VPS11: variants seen among roughly 807,000 people sequenced by gnomAD.
The protein encoded by VPS11 is VPS11 core subunit of CORVET and HOPS complexes, also known as vacuolar protein sorting-associated protein 11 homolog.
Under a neutral mutation model 106.8 loss-of-function variants are expected in VPS11, and 51 were observed. The observed-to-expected ratio is 0.48, with a 90% CI of 0.38 to 0.60. The LOEUF is 0.60. Ranked by LOEUF, VPS11 falls within the 20% of genes least tolerant of loss-of-function variation. The pLI is 0.00. For synonymous variants in VPS11, 453 were observed against 458.7 expected (o/e 0.99, Z 0.16); for missense variants, 950 against 1,190.0 (o/e 0.80, Z 2.97).
intron 5 of VPS11, 102 bp from the exon 6 acceptor site, chr11:119,073,095 AT>A: frequency 7.4e-7 from 1 of 1,346,836 alleles, no homozygotes; most frequent in Non-Finnish European, 1.0e-6. Flanking sequence ...CAGAGAGGTG[AT>A]TTGTGCTGGG....
intron 5 of VPS11, 178 bp from the exon 6 acceptor site, chr11:119,073,020 C>G: frequency 3.0e-6 from 2 of 655,820 alleles, no homozygotes. Context: ...AGGGTAAGAT[C>G]AGGTTTATGT....
In VPS11 at chr11:119,077,606, C is replaced by A. The variant is rs782222127; in HGVS notation, c.1531C>A (p.His511Asn). ...CCTGTATCTGGCGGAGAACCATGCACATCATGAGTGGTACCTGAAGATCCA... is the reference window on the plus strand; with the variant it reads ...CCTGTATCTGGCGGAGAACCATGCAAATCATGAGTGGTACCTGAAGATCCA... ...HALYLAENHA[H>N]HEWYLKIQLE... The change falls in exon 9 of 16, where the codon CAT (histidine) becomes AAT (asparagine). Residue 511 changes from histidine (H) to asparagine (N), a missense_variant. By Grantham distance (68) the His-to-Asn change is moderately conservative (BLOSUM62 1). Around this residue, in one of 3 missense-constraint regions of VPS11, gnomAD observed 435 missense variants for 630.2 expected, o/e 0.69. Coordinates refer to ENST00000621676, the MANE Select transcript of VPS11 (RefSeq NM_021729.6). 2 of 1,612,420 alleles carry A rather than the reference C, an allele frequency of 1.2e-6. No homozygotes were observed. Among genetic ancestry groups the A allele is most frequent in the Non-Finnish European group, 1.7e-6 (2 of 1,179,120 alleles).
chr11:119,070,411 C>CTCCA lies in VPS11; in HGVS notation c.636+15_636+18dup. The CTCCA allele has an allele frequency of 6.2e-7, 1 of 1,604,980 alleles. No homozygotes were observed. The highest frequency in any genetic ancestry group is 8.5e-7 in the Non-Finnish European group (1 of 1,173,430). On this transcript the variant is annotated intron_variant, in intron 4 of 15. Coordinates refer to ENST00000621676, the MANE Select transcript of VPS11 (RefSeq NM_021729.6). ...GAGAACGTCCAGGTATGACCAAGGCCTCCACTCTTAGGAGCAGGCAGGGAG... is the reference window on the plus strand; with the variant it reads ...GAGAACGTCCAGGTATGACCAAGGCCTCCATCCACTCTTAGGAGCAGGCAGGGAG...
chr11:119,078,063 C>T lies in VPS11; in HGVS notation c.1758C>T (p.Cys586=). ...EGRSDREAPG[C]RANSEEFIPI... ...GCAGCGATAGGGAGGCCCCAGGCTG[C>T]AGGGTGAGGCTGCAGGGAAAAGAGC... is the stretch of plus-strand genomic sequence containing the variant. Residue 586 remains cysteine (C), a synonymous_variant, in exon 10 of 16, where the codon TGC becomes TGT. Coordinates refer to ENST00000621676, the MANE Select transcript of VPS11 (RefSeq NM_021729.6). 2 of 1,610,636 alleles carry T rather than the reference C, an allele frequency of 1.2e-6. No individual in the cohort carries two copies. Among genetic ancestry groups the T allele is most frequent in the African/African-American group, 1.3e-5 (1 of 75,050 alleles).
At position 119,070,361 on chromosome 11, in the gene VPS11, C is replaced by T. The variant is rs946988820; in HGVS notation, c.600C>T (p.Thr200=). ...TGLAFRQAGK[T]THLFVVTTEN... Reference sequence around the variant, plus strand: ...TGGCCTTTCGCCAAGCAGGAAAGACCACTCACTTGTTTGTTGTGACAACAG... The same window carrying T: ...TGGCCTTTCGCCAAGCAGGAAAGACTACTCACTTGTTTGTTGTGACAACAG... Residue 200 remains threonine (T), a synonymous_variant, in exon 4 of 16, where the codon ACC becomes ACT. Transcript: ENST00000621676. 1.9e-6 allele frequency: 3 copies of T among 1,613,148 alleles called. No individual in the cohort carries two copies. The highest frequency in any genetic ancestry group is 2.5e-6 in the Non-Finnish European group (3 of 1,179,514).
chr11:119,074,051 C>T (rs1945506021), intron 7 of VPS11, 100 bp downstream of exon 7: 5 of 1,364,496 alleles, frequency 3.7e-6, no homozygotes, highest in African/African-American at 2.9e-5. Context: ...AGAATTCTAC[C>T]AGGAACTGTT....
Position 119,078,228 on chromosome 11 carries a change from C to G in VPS11, c.1817C>G (p.Ala606Gly), listed in dbSNP as rs1945709135. The G allele has an allele frequency of 6.2e-6, 10 of 1,613,748 alleles. No homozygotes were observed. Among genetic ancestry groups the G allele is most frequent in the Non-Finnish European group, 8.5e-6 (10 of 1,179,884 alleles). ...IFANNPRELK[A>G]FLEHMSEVQP... ...GCCAATAACCCGCGAGAGCTGAAAG[C>G]CTTCCTAGAGCACATGAGTGAAGTG... The change falls in exon 11 of 16, where the codon GCC becomes GGC. Residue 606 changes from alanine to glycine, a missense_variant. Around this residue, in one of 3 missense-constraint regions of VPS11, gnomAD observed 453 missense variants for 514.6 expected, o/e 0.88. Coordinates refer to ENST00000621676, the MANE Select transcript of VPS11 (RefSeq NM_021729.6).
In VPS11 at chr11:119,070,309, A is replaced by G; in HGVS notation, c.548A>G (p.His183Arg). 1 of 1,613,300 alleles carries G rather than the reference A, an allele frequency of 6.2e-7. No homozygotes were observed. Among genetic ancestry groups the G allele is most frequent in the Non-Finnish European group, 8.5e-7 (1 of 1,179,528 alleles). ...CGGCATAGCAAGACCCAGATTTTGC[A>G]CAAGGGCAACTATCCTGTAACTGGA... is the stretch of plus-strand genomic sequence containing the variant. The part of the protein sequence containing the change: ...RDRHSKTQIL[H>R]KGNYPVTGLA... The change falls in exon 4 of 16, where the codon CAC becomes CGC. Residue 183 changes from histidine to arginine, a missense_variant. By Grantham distance (29) the His-to-Arg change is conservative. Around this residue, in one of 3 missense-constraint regions of VPS11, gnomAD observed 435 missense variants for 630.2 expected, o/e 0.69. Coordinates refer to ENST00000621676, the MANE Select transcript of VPS11 (RefSeq NM_021729.6).
Position 119,081,183 on chromosome 11 carries a change from C to A in VPS11, c.2530C>A (p.Gln844Lys). The A allele has an allele frequency of 6.2e-7, 1 of 1,614,038 alleles. No individual in the cohort carries two copies. The highest frequency in any genetic ancestry group is 8.5e-7 in the Non-Finnish European group (1 of 1,179,900). The change falls in exon 15 of 16, where the codon CAA (glutamine) becomes AAA (lysine). Residue 844 changes from glutamine (Q) to lysine (K), a missense_variant. Physicochemically the swap from Gln to Lys is moderately conservative, Grantham distance 53 (BLOSUM62 1). Around this residue, in one of 3 missense-constraint regions of VPS11, gnomAD observed 453 missense variants for 514.6 expected, o/e 0.88. Coordinates refer to ENST00000621676, the MANE Select transcript of VPS11 (RefSeq NM_021729.6). Reference sequence around the variant, plus strand: ...CTTCCTGTGTGGCCACTCCTTCCACCAACACTGCTTTGAGAGTTACTCGGA... The same window carrying A: ...CTTCCTGTGTGGCCACTCCTTCCACAAACACTGCTTTGAGAGTTACTCGGA... The part of the protein sequence containing the change: ...VHFLCGHSFH[Q>K]HCFESYSESD...
chr11:119,070,494 T>TAA (rs781941140), intron 4 of VPS11, 97 bp downstream of exon 4: 2 of 1,275,608 alleles, frequency 1.6e-6, no homozygotes, highest in Non-Finnish European at 2.1e-6. Flanking sequence ...GTGGGAGTGT[T>TAA]AAAGTTTTAA....
rs1565740186 is a variant in VPS11, at chr11:119,073,905, C to G, written c.1192C>G (p.Leu398Val). The change falls in exon 7 of 16, where the codon CTC becomes GTC. Residue 398 changes from leucine (L) to valine (V), a missense_variant. Physicochemically the swap from Leu to Val is conservative, Grantham distance 32. This residue lies in a region of VPS11 where 435 missense variants were observed against 630.2 expected (regional missense o/e 0.69). Transcript: ENST00000621676. Reference sequence around the variant, plus strand: ...GATTTTCATGCAGTATGGAGACCATCTCTACAGCAAGGGCAACCACGATGG... The same window carrying G: ...GATTTTCATGCAGTATGGAGACCATGTCTACAGCAAGGGCAACCACGATGG... ...AQIFMQYGDH[L>V]YSKGNHDGAV... The G allele has an allele frequency of 2.5e-6, 4 of 1,613,760 alleles. No individual in the cohort carries two copies. Among genetic ancestry groups the G allele is most frequent in the Non-Finnish European group, 3.4e-6 (4 of 1,179,816 alleles).
At chr11:119,076,131 CAGG>C in intron 7 of VPS11, among the ~76,000 whole-genome samples, 1 of 152,118 alleles carries the variant, frequency 6.6e-6, no homozygotes, top group Admixed American at 6.5e-5. Flanking sequence ...GAGGCTGAGG[CAGG>C]AGAATAGCTT....
At chr11:119,073,430 C>T in intron 6 of VPS11, 31 bp downstream of exon 6, 1 of 1,606,308 alleles carries the variant, frequency 6.2e-7, no homozygotes, top group Non-Finnish European at 8.5e-7. Flanking sequence ...GAGCTGGCCA[C>T]AGGCACCTAG....
chr11:119,073,911 A>G lies in VPS11; in HGVS notation c.1198A>G (p.Ser400Gly), dbSNP rs782141487. The change falls in exon 7 of 16, where the codon AGC (serine) becomes GGC (glycine). Residue 400 changes from serine (S) to glycine (G), a missense_variant. Physicochemically the swap from Ser to Gly is moderately conservative, Grantham distance 56. This residue lies in a region of VPS11 where 435 missense variants were observed against 630.2 expected (regional missense o/e 0.69). Coordinates refer to ENST00000621676, the MANE Select transcript of VPS11 (RefSeq NM_021729.6). Reference sequence around the variant, plus strand: ...CATGCAGTATGGAGACCATCTCTACAGCAAGGGCAACCACGATGGGGCTGT... The same window carrying G: ...CATGCAGTATGGAGACCATCTCTACGGCAAGGGCAACCACGATGGGGCTGT... ...IFMQYGDHLY[S>G]KGNHDGAVQQ... 1 of 1,613,672 alleles carries G rather than the reference A, an allele frequency of 6.2e-7. No individual in the cohort carries two copies. The highest frequency in any genetic ancestry group is 8.5e-7 in the Non-Finnish European group (1 of 1,179,776).
intron 4 of VPS11, chr11:119,070,609 T>TTC (rs1239059512): frequency 3.6e-6 from 1 of 279,718 alleles, no homozygotes; most frequent in East Asian, 5.2e-5. Context: ...TGAATTTTCT[T>TTC]TCTTTTTTTT....
At chr11:119,074,719 T>C (rs971798778) in intron 7 of VPS11, among the ~76,000 whole-genome samples, 4 of 152,228 alleles carry the variant, frequency 2.6e-5, no homozygotes, top group South Asian at 2.1e-4. Context: ...TAATTTTCTT[T>C]ATAAGAACTA....
intron 7 of VPS11, among the ~76,000 whole-genome samples, chr11:119,076,468 G>A (rs1327441725): frequency 6.6e-6 from 1 of 151,816 alleles, no homozygotes; most frequent in Non-Finnish European, 1.5e-5. Context: ...AGAGGTTGCG[G>A]TGGGCTGAGA....
intron 4 of VPS11, 192 bp downstream of exon 4, chr11:119,070,589 T>A: frequency 2.0e-6 from 1 of 508,222 alleles, no homozygotes; most frequent in Non-Finnish European, 3.1e-6. Context: ...GGGCTTGTAG[T>A]AAAAAGATGT....
rs573483899 is a variant in VPS11 at position 119,077,818 on chromosome 11, A to C, written c.1573-60A>C. On this transcript the variant is annotated intron_variant, in intron 9 of 15. Transcript: ENST00000621676. ...TTTGAAGACATCTCCAGAATGGTGA[A>C]AGTGCTTCCTGGTGGCTGAGGCAGG... The C allele has an allele frequency of 3.6e-5, 57 of 1,590,692 alleles. No individual in the cohort carries two copies. In the African/African-American group the frequency reaches 7.3e-4, roughly 20 times the overall value.
Sources: allele counts gnomAD v4.1 joint callset (sites outside exome capture counted in the v4.1 genomes callset), GRCh38; gene constraint gnomAD v4.1.1; regional missense constraint gnomAD v4.1.1; transcripts MANE v1.5; gene names NCBI Gene and HGNC (gene_info 2026-07-23, HGNC 2026-07-21).